The following LEMD3 variants were observed in gnomAD, a reference collection of about 807,000 sequenced individuals.
The protein encoded by LEMD3 is LEM domain containing 3.
In LEMD3, 33 loss-of-function variants were observed where a neutral mutation model predicts 95.2. The ratio of observed to expected loss-of-function variants is 0.35; its 90% CI spans 0.26 to 0.46. The LOEUF (loss-of-function observed/expected upper bound fraction) is 0.46, where lower values mean the gene tolerates loss of function less well. Among genes scored for constraint, LEMD3 ranks in the 20% least tolerant of loss-of-function variants. The pLI, the probability that LEMD3 is intolerant of heterozygous loss-of-function variation, is 1.00. For synonymous variants in LEMD3, 525 were observed against 474.6 expected (o/e 1.11, Z -1.38); for missense variants, 1,210 against 1,192.8 (o/e 1.01, Z -0.21).
chr12:65,234,244 G>A (rs553463569), intron 4 of LEMD3, among the ~76,000 whole-genome samples: 1 of 152,134 alleles, frequency 6.6e-6, no homozygotes, highest in Non-Finnish European at 1.5e-5. Context: ...AAGAAAGAAA[G>A]AAATTTATAT....
chr12:65,194,817 C>CTTTAGATTATAGTTTATAAATTATAA (rs1869362575), intron 1 of LEMD3, among the ~76,000 whole-genome samples: 1 of 10,426 alleles, frequency 9.6e-5, no homozygotes, highest in African/African-American at 3.0e-4. Flanking sequence ...CTTAATTATA[C>CTTTAGATTATAGTTTATAAATTATAA]TTTAGATTAT....
chr12:65,223,106 C>T (rs757822984), intron 4 of LEMD3, among the ~76,000 whole-genome samples: 1 of 152,000 alleles, frequency 6.6e-6, no homozygotes, highest in Non-Finnish European at 1.5e-5. Context: ...AATGTGTATT[C>T]TACTCCTGTT....
chr12:65,189,291 G>T (rs575401766), intron 1 of LEMD3, among the ~76,000 whole-genome samples: 6 of 152,276 alleles, frequency 3.9e-5, no homozygotes, highest in African/African-American at 1.4e-4. Context: ...ACTGGTGTAT[G>T]CTCTTTAGCC....
intron 1 of LEMD3, among the ~76,000 whole-genome samples, chr12:65,186,932 CATGAT>C (rs1165798854): frequency 6.6e-6 from 1 of 151,998 alleles, no homozygotes; most frequent in Non-Finnish European, 1.5e-5. Flanking sequence ...CTAGAACAGA[CATGAT>C]ATGAATATAA....
Position 65,243,477 on chromosome 12 carries a change from T to G in LEMD3, c.2387+8T>G, listed in dbSNP as rs1243535145. 4.7e-6 allele frequency: 7 copies of G among 1,488,516 alleles called. No individual in the cohort carries two copies. In the African/African-American group the frequency reaches 5.5e-5, roughly 12 times the overall value. The allele number at this position is 1,488,516 out of a possible 1,614,324, so 92.2% of individuals were successfully genotyped here. Reference sequence around the variant, plus strand: ...TATGTTTGATCCCGTTATGTAAGTATTATGATCAGGGGTACATGTAACTCT... The same window carrying G: ...TATGTTTGATCCCGTTATGTAAGTAGTATGATCAGGGGTACATGTAACTCT... On this transcript the variant is annotated splice_region_variant and intron_variant, in intron 10 of 12. Transcript: ENST00000308330.
At chr12:65,210,305 T>A (rs923576206) in intron 1 of LEMD3, among the ~76,000 whole-genome samples, 2 of 152,126 alleles carry the variant, frequency 1.3e-5, no homozygotes, top group Admixed American at 1.3e-4. Flanking sequence ...GGTGGATTTT[T>A]AAAAAATCAT....
Position 65,184,652 on chromosome 12 carries a change from G to A in LEMD3, c.1522+13534G>A, listed in dbSNP as rs1235727227. Among the ~76,000 whole-genome samples the A allele has an allele frequency of 2.6e-5, 4 of 152,070 alleles. No individual in the cohort carries two copies. In the East Asian group the frequency reaches 5.8e-4, roughly 22 times the overall value. Reference sequence around the variant, plus strand: ...GTGCTCAATAACTTCAAAATTTTCTGTATGGAATAGGTTTACTTGTTGAGT... The same window carrying A: ...GTGCTCAATAACTTCAAAATTTTCTATATGGAATAGGTTTACTTGTTGAGT... On this transcript the variant is annotated intron_variant, in intron 1 of 12. Transcript: ENST00000308330.
At position 65,210,137 on chromosome 12, in the gene LEMD3, G is replaced by C. The variant is rs561957265; in HGVS notation, c.1523-789G>C. Among the ~76,000 whole-genome samples the C allele has an allele frequency of 8.6e-5, 13 of 151,634 alleles. No homozygotes were observed. The East Asian group carries it at 2.5e-3, about 29-fold the overall frequency. On this transcript the variant is annotated intron_variant, in intron 1 of 12. Coordinates refer to ENST00000308330, the MANE Select transcript of LEMD3 (RefSeq NM_014319.5). ...CTTAATTTAGAGGTGAATGAAGGAGGGGCATAGGGGTTGGATGGAAAGTGG... is the reference window on the plus strand; with the variant it reads ...CTTAATTTAGAGGTGAATGAAGGAGCGGCATAGGGGTTGGATGGAAAGTGG...
At chr12:65,189,832 T>C (rs1869182594) in intron 1 of LEMD3, among the ~76,000 whole-genome samples, 1 of 152,170 alleles carries the variant, frequency 6.6e-6, no homozygotes, top group Admixed American at 6.6e-5. Flanking sequence ...AGATTAGACT[T>C]TTAAAAGCCT....
At chr12:65,244,609 CT>C (rs943765053) in intron 10 of LEMD3, among the ~76,000 whole-genome samples, 3 of 152,104 alleles carry the variant, frequency 2.0e-5, no homozygotes, top group African/African-American at 7.2e-5. Context: ...GTAGTATTTA[CT>C]AAGAATTTTC....
At position 65,247,494 on chromosome 12, in the gene LEMD3, T is replaced by C. The variant is rs1186987292; in HGVS notation, c.*1169T>C. ...TAGTAAATGCACGATTGACTGTTGC[T>C]TTGTGCCTCAGTATTTAATTTGTTT... On this transcript the variant is annotated 3_prime_UTR_variant, in exon 13 of 13. Transcript: ENST00000308330. The C allele has an allele frequency of 6.6e-6, 1 of 152,304 alleles. No individual in the cohort carries two copies. The highest frequency in any genetic ancestry group is 1.9e-4 in the East Asian group (1 of 5,204). The allele number at this position is 152,304 out of a possible 1,614,324, so 9.4% of individuals were successfully genotyped here. A position where few individuals can be genotyped will look rare whatever the true frequency, so the allele number is the denominator to read the frequency against.
At chr12:65,215,466 T>G (rs1180336942) in intron 2 of LEMD3, among the ~76,000 whole-genome samples, 1 of 152,204 alleles carries the variant, frequency 6.6e-6, no homozygotes, top group Non-Finnish European at 1.5e-5. Flanking sequence ...AGATGTTTAT[T>G]TAATGTTTGT....
At chr12:65,184,523 T>C (rs1287551148) in intron 1 of LEMD3, among the ~76,000 whole-genome samples, 1 of 152,188 alleles carries the variant, frequency 6.6e-6, no homozygotes, top group African/African-American at 2.4e-5. Context: ...TCTTATACTT[T>C]TTCATCTCTT....
intron 9 of LEMD3, 65 bp downstream of exon 9, chr12:65,241,152 TAAGTG>T: frequency 7.4e-7 from 1 of 1,352,014 alleles, no homozygotes; most frequent in East Asian, 2.3e-5. Flanking sequence ...AAATATGTGT[TAAGTG>T]AAACAGTACA....
In LEMD3 at chr12:65,171,024, T is replaced by C; in HGVS notation, c.1428T>C (p.Phe476=). The C allele has an allele frequency of 1.9e-6, 3 of 1,614,242 alleles. No homozygotes were observed. Among genetic ancestry groups the C allele is most frequent in the Non-Finnish European group, 2.5e-6 (3 of 1,180,040 alleles). ...GSFSAHYLSM[F]LLTAACLFFL... is the part of the protein sequence containing the mutation. ...TCAGTGCCCACTACTTGTCGATGTT[T>C]CTCTTAACTGCTGCCTGCTTATTTT... Residue 476 remains phenylalanine, a synonymous_variant, in exon 1 of 13, where the codon TTT becomes TTC. Transcript: ENST00000308330.
At chr12:65,184,394 C>T (rs1868996688) in intron 1 of LEMD3, among the ~76,000 whole-genome samples, 1 of 152,180 alleles carries the variant, frequency 6.6e-6, no homozygotes, top group Non-Finnish European at 1.5e-5. Flanking sequence ...CTATTTAAAA[C>T]CACATCCTAT....
chr12:65,201,086 T>A (rs1225309267), intron 1 of LEMD3, among the ~76,000 whole-genome samples: 1 of 152,170 alleles, frequency 6.6e-6, no homozygotes, highest in Non-Finnish European at 1.5e-5. Context: ...CCTTTGTTCC[T>A]TTATCAAAGA....
chr12:65,238,686 C>G lies in LEMD3; in HGVS notation c.1793C>G (p.Pro598Arg). The G allele has an allele frequency of 6.2e-7, 1 of 1,613,974 alleles. No homozygotes were observed. Among genetic ancestry groups the G allele is most frequent in the Non-Finnish European group, 8.5e-7 (1 of 1,179,962 alleles). ...TTAAATAGGTGTGTTGGTTTTGGCC[C>G]TGAGGAAGAATTGACAAATATAACT... The part of the protein sequence containing the change: ...DVGIRCVGFG[P>R]EEELTNITDV... The change falls in exon 6 of 13, where the codon CCT (proline) becomes CGT (arginine). Residue 598 changes from proline to arginine, a missense_variant. This residue lies in a region of LEMD3 where 461 missense variants were observed against 569.8 expected (regional missense o/e 0.81). Coordinates refer to ENST00000308330, the MANE Select transcript of LEMD3 (RefSeq NM_014319.5).
intron 4 of LEMD3, among the ~76,000 whole-genome samples, chr12:65,223,583 A>G (rs1373965281): frequency 6.6e-6 from 1 of 152,046 alleles, no homozygotes; most frequent in Non-Finnish European, 1.5e-5. Flanking sequence ...TGCATGGAAT[A>G]TCTTTTTCCA....
Sources: gnomAD v4.1 joint callset for allele counts (sites outside exome capture counted in the v4.1 genomes callset) on GRCh38, gnomAD v4.1.1 for gene constraint, gnomAD v4.1.1 regional missense constraint, MANE v1.5 for transcripts, NCBI Gene and HGNC (gene_info 2026-07-23, HGNC 2026-07-21) for gene names.